The following SAMD4B variants were observed in gnomAD, a reference collection of about 807,000 sequenced individuals.
The protein encoded by SAMD4B is protein Smaug homolog 2.
SAMD4B carries 5 observed loss-of-function variants against 74.5 expected under a neutral mutation model. The ratio of observed to expected loss-of-function variants is 0.07; its 90% CI spans 0.04 to 0.14. SAMD4B has a LOEUF of 0.14. Ranked by LOEUF, SAMD4B falls within the 10% of genes least tolerant of loss-of-function variation. SAMD4B has a pLI of 1.00. For synonymous variants in SAMD4B, 373 were observed against 374.9 expected, an observed-to-expected ratio of 1.00 and a Z score of 0.06; for missense variants, 608 against 921.8, an observed-to-expected ratio of 0.66 and a Z score of 4.41.
intron 2 of SAMD4B, among the ~76,000 whole-genome samples, chr19:39,354,976 G>A (rs1024888971): frequency 1.3e-5 from 2 of 152,158 alleles, no homozygotes; most frequent in East Asian, 1.9e-4. Flanking sequence ...AGCTTCAAGC[G>A]ATTATCGTCC....
At chr19:39,372,451 A>C (rs2077366302) in intron 4 of SAMD4B, among the ~76,000 whole-genome samples, 1 of 152,164 alleles carries the variant, frequency 6.6e-6, no homozygotes, top group African/African-American at 2.4e-5. Context: ...GGGGCGTTGA[A>C]GGACAGGAGA....
At chr19:39,373,235 A>C (rs763143400) in intron 4 of SAMD4B, among the ~76,000 whole-genome samples, 90 of 152,122 alleles carry the variant, frequency 5.9e-4, no homozygotes, top group Non-Finnish European at 7.3e-4. Flanking sequence ...ACCCAGGGTG[A>C]GGCTCGTTGG....
downstream of SAMD4B, chr19:39,389,611 G>A: frequency 6.2e-7 from 1 of 1,614,196 alleles, no homozygotes; most frequent in Non-Finnish European, 8.5e-7. This position sits in a 1 kb window ranked among gnomAD's most constrained non-coding sequence, Gnocchi z 5.3. Flanking sequence ...TGCTGACCTA[G>A]AGCAGACCCT....
rs767187548 is a variant in SAMD4B at position 39,377,723 on chromosome 19, C to T, written c.1343C>T (p.Pro448Leu). The T allele has an allele frequency of 1.2e-6, 2 of 1,614,248 alleles. No individual in the cohort carries two copies. Among genetic ancestry groups the T allele is most frequent in the Admixed American group, 3.3e-5 (2 of 60,030 alleles). The change falls in exon 8 of 14, where the codon CCA (proline) becomes CTA (leucine). Residue 448 changes from proline to leucine, a missense_variant. Coordinates refer to ENST00000610417, the MANE Select transcript of SAMD4B (RefSeq NM_001384574.2). ...GACCCTCCAGCTGTGGAGAACTACC[C>T]ACCTCCACCAGCTCCAGCTCCCACT... ...AKDPPAVENYPPPPAPAPTDG... is the reference protein window; with the variant it reads ...AKDPPAVENYLPPPAPAPTDG...
chr19:39,361,262 A>G (rs2076627913), intron 3 of SAMD4B, among the ~76,000 whole-genome samples: 1 of 152,134 alleles, frequency 6.6e-6, no homozygotes, highest in Non-Finnish European at 1.5e-5. Flanking sequence ...CCCTCCCCAA[A>G]AAGATGCACA....
At chr19:39,379,861 C>T (rs375313984) in intron 9 of SAMD4B, 105 bp from the exon 10 acceptor site, 49 of 980,586 alleles carry the variant, frequency 5.0e-5, no homozygotes, top group African/African-American at 4.7e-4. Context: ...TGAGCCACCA[C>T]GCCCGGCCAG....
At chr19:39,388,822 G>A, downstream of SAMD4B, 1 of 1,614,132 alleles carries the variant, frequency 6.2e-7, no homozygotes, top group Non-Finnish European at 8.5e-7. Context: ...CTTGGGGGCT[G>A]GGTCTGAGTC....
At chr19:39,379,168 G>A (rs746636952) in intron 9 of SAMD4B, among the ~76,000 whole-genome samples, 4 of 151,572 alleles carry the variant, frequency 2.6e-5, no homozygotes, top group Admixed American at 2.0e-4. Flanking sequence ...GATTACAGGC[G>A]TGACGATTTT....
At chr19:39,354,874 T>A (rs1600526361) in intron 2 of SAMD4B, among the ~76,000 whole-genome samples, 1 of 151,862 alleles carries the variant, frequency 6.6e-6, no homozygotes, top group Non-Finnish European at 1.5e-5. Context: ...TTGTTTAAAA[T>A]TTTTTTTTCT....
intron 1 of SAMD4B, among the ~76,000 whole-genome samples, chr19:39,347,440 A>C (rs1396237677): frequency 5.3e-5 from 8 of 152,208 alleles, no homozygotes; most frequent in Admixed American, 5.2e-4. Flanking sequence ...CCATCCGATG[A>C]ACTTTCTGAG....
chr19:39,376,683 T>A (rs1307765687), intron 6 of SAMD4B, 22 bp from the exon 7 acceptor site: 1 of 1,606,800 alleles, frequency 6.2e-7, no homozygotes, highest in Non-Finnish European at 8.5e-7. Context: ...TAGCTTCCTG[T>A]CCCCTTCTGC....
In SAMD4B at chr19:39,356,868, C is replaced by T. The variant is rs1288600251; in HGVS notation, c.-26C>T. 2 of 1,589,278 alleles carry T rather than the reference C, an allele frequency of 1.3e-6. No individual in the cohort carries two copies. Among genetic ancestry groups the T allele is most frequent in the East Asian group, 2.3e-5 (1 of 44,256 alleles). On this transcript the variant is annotated 5_prime_UTR_variant, in exon 3 of 14. Coordinates refer to ENST00000610417, the MANE Select transcript of SAMD4B (RefSeq NM_001384574.2). The stretch of plus-strand genomic sequence containing the variant: ...CGCTGGCCCTCGCCACCGCCGTCCC[C>T]CGACCCTGGCCCCAGGCCCGGCACC...
At chr19:39,353,694 C>T (rs1176147165) in intron 1 of SAMD4B, among the ~76,000 whole-genome samples, 2 of 152,066 alleles carry the variant, frequency 1.3e-5, no homozygotes, top group Non-Finnish European at 1.5e-5. Flanking sequence ...CTCCACCTCC[C>T]GGGTTCAAGC....
At position 39,383,833 on chromosome 19, in the gene SAMD4B, C is replaced by G; in HGVS notation, c.*306C>G. 2.1e-6 allele frequency: 2 copies of G among 963,354 alleles called. No homozygotes were observed. The highest frequency in any genetic ancestry group is 3.1e-6 in the Non-Finnish European group (2 of 650,388). The allele number at this position is 963,354 out of a possible 1,614,324, so 59.7% of individuals were successfully genotyped here. A position where few individuals can be genotyped will look rare whatever the true frequency, so the allele number is the denominator to read the frequency against. On this transcript the variant is annotated 3_prime_UTR_variant, in exon 14 of 14. Coordinates refer to ENST00000610417, the MANE Select transcript of SAMD4B (RefSeq NM_001384574.2). This position sits in a 1 kb window ranked among gnomAD's most constrained non-coding sequence, Gnocchi z 4.1. ...CATCCCCACCTGGTCCCATCCCACC[C>G]CTGCCTCCTCCAGACCGCTGACCAC...
intron 7 of SAMD4B, 28 bp downstream of exon 7, chr19:39,376,819 G>A (rs758253058): frequency 6.3e-7 from 1 of 1,597,172 alleles, no homozygotes; most frequent in Admixed American, 1.7e-5. Flanking sequence ...GCATCTTCAA[G>A]GCCAGCCAGC....
rs764198778 is a variant in SAMD4B at position 39,369,881 on chromosome 19, C to T, written c.423C>T (p.Asn141=). The T allele has an allele frequency of 9.9e-6, 16 of 1,614,132 alleles. No homozygotes were observed. In the Admixed American group the frequency reaches 1.5e-4, roughly 15 times the overall value. Residue 141 remains asparagine (N), a synonymous_variant, in exon 4 of 14, where the codon AAC becomes AAT. Transcript: ENST00000610417. ...IHPATTLEDR[N]ALALWLSHLE... is the part of the protein sequence containing the mutation. ...CAGCCACCACACTGGAGGACCGCAACGCACTGGCCCTCTGGCTGAGCCACC... is the reference window on the plus strand; with the variant it reads ...CAGCCACCACACTGGAGGACCGCAATGCACTGGCCCTCTGGCTGAGCCACC...
intron 5 of SAMD4B, among the ~76,000 whole-genome samples, 165 bp downstream of exon 5, chr19:39,376,054 A>AC (rs1488609127): frequency 1.3e-5 from 2 of 151,974 alleles, no homozygotes; most frequent in Non-Finnish European, 2.9e-5. Flanking sequence ...AAGCAGAGAG[A>AC]CCCCACATCT....
downstream of SAMD4B, among the ~76,000 whole-genome samples, chr19:39,390,545 T>C (rs1414684641): frequency 6.6e-6 from 1 of 152,138 alleles, no homozygotes; most frequent in African/African-American, 2.4e-5. Context: ...TCAAGTGCTT[T>C]AATAAAGAAC....
chr19:39,380,058 G>A lies in SAMD4B; in HGVS notation c.1623G>A (p.Glu541=). Residue 541 remains glutamate, a synonymous_variant, in exon 10 of 14, where the codon GAG becomes GAA. Coordinates refer to ENST00000610417, the MANE Select transcript of SAMD4B (RefSeq NM_001384574.2). ...LRTFPRKAAL[E]MQNYRQQKGW... ...CATTCCCGCGCAAAGCCGCACTAGA[G>A]ATGCAGAACTACCGGCAGCAGAAAG... is the stretch of plus-strand genomic sequence containing the variant. The A allele has an allele frequency of 6.2e-7, 1 of 1,613,800 alleles. No homozygotes were observed. Among genetic ancestry groups the A allele is most frequent in the Non-Finnish European group, 8.5e-7 (1 of 1,179,870 alleles).
Sources: allele counts gnomAD v4.1 joint callset (sites outside exome capture counted in the v4.1 genomes callset), GRCh38; gene constraint gnomAD v4.1.1; non-coding constraint Gnocchi (gnomAD v3.1); transcripts MANE v1.5; gene names NCBI Gene and HGNC (gene_info 2026-07-23, HGNC 2026-07-21).